ELP4: variants seen among roughly 807,000 people sequenced by gnomAD.
ELP4 encodes the protein elongator complex protein 4.
ELP4 carries 51 observed loss-of-function variants against 48.9 expected under a neutral mutation model. That is an observed-to-expected ratio of 1.04 (90% CI 0.83 to 1.32). The LOEUF (loss-of-function observed/expected upper bound fraction) is 1.32, where lower values mean the gene tolerates loss of function less well. ELP4 is among the 40% of genes most tolerant of loss of function. The pLI, the probability that ELP4 is intolerant of heterozygous loss-of-function variation, is 0.00. For missense variants in ELP4, 519 were observed against 514.6 expected, an observed-to-expected ratio of 1.01 and a Z score of -0.08; for synonymous variants, 210 against 189.2, an observed-to-expected ratio of 1.11 and a Z score of -0.90.
At position 31,788,761 on chromosome 11, in the gene ELP4, G is replaced by C. The variant is rs1438419247; in HGVS notation, c.*5237G>C. ...ACAGATCTACACCCTGCTGTAAGTGGAATTTTTTTCTAACACGTTTTTGAT... is the reference window on the plus strand; with the variant it reads ...ACAGATCTACACCCTGCTGTAAGTGCAATTTTTTTCTAACACGTTTTTGAT... On this transcript the variant is annotated 3_prime_UTR_variant, in exon 10 of 10. Transcript: ENST00000640961. 9.5e-6 allele frequency: 2 copies of C among 209,438 alleles called. No homozygotes were observed. Among genetic ancestry groups the C allele is most frequent in the Non-Finnish European group, 1.9e-5 (2 of 102,578 alleles). The allele number at this position is 209,438 out of a possible 1,614,324, so 13.0% of individuals were successfully genotyped here.
chr11:31,693,183 A>G (rs1156903670), intron 9 of ELP4, among the ~76,000 whole-genome samples: 1 of 152,052 alleles, frequency 6.6e-6, no homozygotes, highest in Non-Finnish European at 1.5e-5. Context: ...TTATACTTTA[A>G]GTTCTAGGGT....
intron 3 of ELP4, among the ~76,000 whole-genome samples, chr11:31,548,620 A>G (rs1417413290): frequency 6.6e-6 from 1 of 152,180 alleles, no homozygotes; most frequent in Non-Finnish European, 1.5e-5. Flanking sequence ...TTCTTCACAG[A>G]ATTGGAAAAA....
intron 3 of ELP4, among the ~76,000 whole-genome samples, chr11:31,594,375 G>A (rs1008469597): frequency 1.1e-4 from 16 of 152,004 alleles, no homozygotes; most frequent in African/African-American, 3.6e-4. Context: ...AAACCAATAA[G>A]CAGATTGTGC....
chr11:31,575,717 A>G lies in ELP4; in HGVS notation c.382-19053A>G, dbSNP rs528192881. Among the ~76,000 whole-genome samples the G allele has an allele frequency of 7.7e-4, 117 of 152,322 alleles. 1 individual carries two copies. Among genetic ancestry groups the G allele is most frequent in the Admixed American group, 1.4e-3 (21 of 15,308 alleles). ...GCTTCATAAGTGAAGGAGAAATAAA[A>G]TCCTTTACAGACAAACAAATGCTGA... On this transcript the variant is annotated intron_variant, in intron 3 of 9. Coordinates refer to ENST00000640961, the MANE Select transcript of ELP4 (RefSeq NM_019040.5).
chr11:31,599,162 G>A (rs1592148291), intron 4 of ELP4: 1 of 152,138 alleles, frequency 6.6e-6, no homozygotes, highest in Non-Finnish European at 1.5e-5. Flanking sequence ...TTGGATGCAT[G>A]AAGGAATGAA....
intron 6 of ELP4, 58 bp from the exon 7 acceptor site, chr11:31,632,159 T>G: frequency 7.3e-7 from 1 of 1,369,818 alleles, no homozygotes; most frequent in Non-Finnish European, 1.0e-6. Flanking sequence ...CAGATAAAAG[T>G]GGTATTCTAT....
intron 2 of ELP4, among the ~76,000 whole-genome samples, chr11:31,530,303 A>G (rs1956371944): frequency 2.0e-5 from 3 of 152,184 alleles, no homozygotes; most frequent in Admixed American, 2.0e-4. Flanking sequence ...GCATAGCTGA[A>G]AGTAGTGACT....
chr11:31,529,825 A>G (rs559597301), intron 2 of ELP4, among the ~76,000 whole-genome samples: 38 of 152,264 alleles, frequency 2.5e-4, no homozygotes, highest in African/African-American at 9.1e-4. Context: ...TACCTCTTTG[A>G]GGGGTTCTTC....
intron 3 of ELP4, among the ~76,000 whole-genome samples, chr11:31,551,008 A>G (rs1956841099): frequency 6.6e-6 from 1 of 152,062 alleles, no homozygotes; most frequent in Non-Finnish European, 1.5e-5. Context: ...TGCCTGTCAT[A>G]ATTTGTTGAA....
At chr11:31,684,582 A>G (rs1276177067) in intron 9 of ELP4, among the ~76,000 whole-genome samples, 1 of 152,216 alleles carries the variant, frequency 6.6e-6, no homozygotes, top group Non-Finnish European at 1.5e-5. Flanking sequence ...ACACAAGGAC[A>G]GATCATTGTA....
At chr11:31,606,412 A>G (rs993587187) in intron 5 of ELP4, among the ~76,000 whole-genome samples, 3 of 152,050 alleles carry the variant, frequency 2.0e-5, no homozygotes, top group Non-Finnish European at 4.4e-5. Flanking sequence ...TCCTACTATC[A>G]TATGTGAGGA....
chr11:31,746,754 G>A (rs1026383430), intron 9 of ELP4, among the ~76,000 whole-genome samples: 4 of 152,064 alleles, frequency 2.6e-5, no homozygotes, highest in African/African-American at 4.8e-5. Context: ...CGGTGGAGGG[G>A]GGAGGGATAG....
intron 7 of ELP4, among the ~76,000 whole-genome samples, chr11:31,644,691 A>G (rs1011895682): frequency 1.3e-5 from 2 of 151,812 alleles, no homozygotes; most frequent in Admixed American, 6.6e-5. Flanking sequence ...TAGTATTAAT[A>G]TTATTATTTG....
At chr11:31,613,695 A>G (rs1040635940) in intron 5 of ELP4, among the ~76,000 whole-genome samples, 4 of 147,790 alleles carry the variant, frequency 2.7e-5, no homozygotes, top group Non-Finnish European at 6.0e-5. Flanking sequence ...ATACGTTTGA[A>G]TTTTTATGAT....
intron 3 of ELP4, among the ~76,000 whole-genome samples, chr11:31,559,096 G>GAA (rs1393397996): frequency 6.6e-6 from 1 of 152,098 alleles, no homozygotes; most frequent in Non-Finnish European, 1.5e-5. Flanking sequence ...GCCACGAAAG[G>GAA]AAAAAGGCAG....
chr11:31,743,878 G>C (rs1317353610), intron 9 of ELP4, among the ~76,000 whole-genome samples: 1 of 151,948 alleles, frequency 6.6e-6, no homozygotes, highest in African/African-American at 2.4e-5. Flanking sequence ...CTAGCAGAAG[G>C]CAAGAAATAA....
intron 1 of ELP4, among the ~76,000 whole-genome samples, chr11:31,514,390 T>A (rs1956068191): frequency 6.6e-6 from 1 of 152,082 alleles, no homozygotes; most frequent in African/African-American, 2.4e-5. Flanking sequence ...CCTGGGGAGT[T>A]CAAGTCTGCA....
intron 1 of ELP4, among the ~76,000 whole-genome samples, chr11:31,515,266 G>A (rs1373928877): frequency 2.0e-5 from 3 of 152,018 alleles, no homozygotes; most frequent in Non-Finnish European, 4.4e-5. Flanking sequence ...AAAGAAGTTT[G>A]AGAAGATATT....
At chr11:31,524,019 A>G (rs971459377) in intron 2 of ELP4, among the ~76,000 whole-genome samples, 10 of 152,152 alleles carry the variant, frequency 6.6e-5, no homozygotes, top group Admixed American at 5.9e-4. Context: ...GGTGACATTT[A>G]TCAATGTGTT....
Sources: allele counts gnomAD v4.1 joint callset (sites outside exome capture counted in the v4.1 genomes callset), GRCh38; gene constraint gnomAD v4.1.1; transcripts MANE v1.5; gene names NCBI Gene and HGNC (gene_info 2026-07-23, HGNC 2026-07-21).